Variants in EBF1 observed in about 807,000 individuals in gnomAD.
EBF1 encodes the protein transcription factor COE1.
In EBF1, 10 loss-of-function variants were observed where a neutral mutation model predicts 68.4. That is an observed-to-expected ratio of 0.15 (90% CI 0.09 to 0.25). EBF1 has a LOEUF of 0.25. Among genes scored for constraint, EBF1 ranks in the 10% least tolerant of loss-of-function variants. EBF1 has a pLI of 1.00. For synonymous variants in EBF1, 298 were observed against 299.8 expected (o/e 0.99, Z 0.06); for missense variants, 509 against 794.4 (o/e 0.64, Z 4.32).
At chr5:158,765,748 A>G (rs1406638212) in intron 10 of EBF1, among the ~76,000 whole-genome samples, 1 of 152,190 alleles carries the variant, frequency 6.6e-6, no homozygotes, top group Non-Finnish European at 1.5e-5. Flanking sequence ...AGAAAAACTC[A>G]GGCCTGATAT....
chr5:158,731,385 A>C (rs1764058970), intron 10 of EBF1, among the ~76,000 whole-genome samples: 1 of 152,326 alleles, frequency 6.6e-6, no homozygotes, highest in African/African-American at 2.4e-5. Context: ...GTAGGTCTTG[A>C]ACAGTGTTCC....
chr5:158,963,337 C>T (rs540669684), intron 6 of EBF1, among the ~76,000 whole-genome samples: 1 of 152,306 alleles, frequency 6.6e-6, no homozygotes, highest in Non-Finnish European at 1.5e-5. Context: ...TTGCTATTAA[C>T]TTTTACGGAA....
chr5:158,996,521 A>G (rs781308532), intron 6 of EBF1, among the ~76,000 whole-genome samples: 1 of 152,202 alleles, frequency 6.6e-6, no homozygotes, highest in Non-Finnish European at 1.5e-5. Context: ...TTAAAATGTG[A>G]GCTTATTCTA....
At chr5:159,027,294 T>C (rs1767890030) in intron 6 of EBF1, among the ~76,000 whole-genome samples, 1 of 152,182 alleles carries the variant, frequency 6.6e-6, no homozygotes, top group Non-Finnish European at 1.5e-5. Context: ...ATCTATCATT[T>C]ATCCAAGACC....
chr5:158,701,204 C>T (rs559190351), intron 15 of EBF1, among the ~76,000 whole-genome samples: 47 of 152,224 alleles, frequency 3.1e-4, no homozygotes, highest in Admixed American at 1.9e-3. Flanking sequence ...ATCTATTCTG[C>T]GTGCCTGGCA....
chr5:158,958,791 C>T lies in EBF1; in HGVS notation c.554+114605G>A, dbSNP rs543282403. 9.8e-5 allele frequency among the ~76,000 whole-genome samples: 15 copies of T among 152,290 alleles called. No individual in the cohort carries two copies. The South Asian group carries it at 2.9e-3, about 29-fold the overall frequency. Reference sequence around the variant, plus strand: ...CTTACACAACCAGAAACGCCGTTTTCTAACCATCCCATTCAAAACTTAACA... The same window carrying T: ...CTTACACAACCAGAAACGCCGTTTTTTAACCATCCCATTCAAAACTTAACA... On this transcript the variant is annotated intron_variant, in intron 6 of 15. Transcript: ENST00000313708.
chr5:158,957,063 G>C (rs1817284796), intron 6 of EBF1, among the ~76,000 whole-genome samples: 1 of 152,094 alleles, frequency 6.6e-6, no homozygotes, highest in African/African-American at 2.4e-5. Flanking sequence ...AATGAAAAAT[G>C]CTAGCAGCTC....
At chr5:158,866,578 C>A (rs773182184) in intron 6 of EBF1, among the ~76,000 whole-genome samples, 4 of 151,938 alleles carry the variant, frequency 2.6e-5, no homozygotes, top group Non-Finnish European at 5.9e-5. Flanking sequence ...GCCTTGTCAA[C>A]AATTCAAAGC....
chr5:158,979,906 C>T (rs1305667966), intron 6 of EBF1, among the ~76,000 whole-genome samples: 2 of 152,050 alleles, frequency 1.3e-5, no homozygotes, highest in East Asian at 3.9e-4. Flanking sequence ...ATTCTCTGGC[C>T]CCTTCCCTGC....
intron 6 of EBF1, among the ~76,000 whole-genome samples, chr5:159,009,893 C>G (rs1764288624): frequency 6.6e-6 from 1 of 152,088 alleles, no homozygotes; most frequent in Non-Finnish European, 1.5e-5. Flanking sequence ...CATTTTATCT[C>G]TGCATAATTT....
intron 7 of EBF1, among the ~76,000 whole-genome samples, chr5:158,824,842 C>A (rs1032039024): frequency 1.3e-5 from 2 of 152,246 alleles, no homozygotes; most frequent in African/African-American, 4.8e-5. Context: ...TAAGTGCATC[C>A]TGGCAAAATA....
intron 6 of EBF1, among the ~76,000 whole-genome samples, chr5:158,896,571 C>T (rs1802221738): frequency 6.6e-6 from 1 of 152,162 alleles, no homozygotes; most frequent in South Asian, 2.1e-4. Flanking sequence ...TGCTCAAGAC[C>T]ACACAGCTAA....
chr5:158,820,918 T>G (rs1288324844), intron 8 of EBF1, among the ~76,000 whole-genome samples: 2 of 152,184 alleles, frequency 1.3e-5, no homozygotes, highest in African/African-American at 4.8e-5. Flanking sequence ...CCTAAGTGGC[T>G]TTTTTCCCCC....
chr5:158,973,623 T>C (rs1756112580), intron 6 of EBF1, among the ~76,000 whole-genome samples: 1 of 152,104 alleles, frequency 6.6e-6, no homozygotes, highest in Admixed American at 6.5e-5. Context: ...GAACCCCCAA[T>C]CTCAGTAACT....
chr5:158,959,952 C>G (rs1817844540), intron 6 of EBF1, among the ~76,000 whole-genome samples: 1 of 152,022 alleles, frequency 6.6e-6, no homozygotes, highest in African/African-American at 2.4e-5. Context: ...CCTATATATC[C>G]CTAGTTAGGG....
intron 6 of EBF1, among the ~76,000 whole-genome samples, chr5:158,885,626 C>A (rs957993587): frequency 4.7e-4 from 71 of 152,296 alleles, no homozygotes; most frequent in African/African-American, 1.7e-3. Context: ...CACTCCACTA[C>A]CACTTTGTCC....
intron 2 of EBF1, 134 bp from the exon 3 acceptor site, chr5:159,096,540 G>A: frequency 3.1e-6 from 3 of 958,312 alleles, no homozygotes; most frequent in South Asian, 1.5e-5. Flanking sequence ...GGTAGCAGCA[G>A]AAATTGTGGC....
At chr5:158,883,365 CATACATACATGTATATATATACAT>C in intron 6 of EBF1, among the ~76,000 whole-genome samples, 1 of 149,042 alleles carries the variant, frequency 6.7e-6, no homozygotes, top group East Asian at 2.0e-4. Flanking sequence ...TATATATACA[CATACATACATGTATATATATACAT>C]ACATACATGT....
chr5:158,873,510 T>A (rs1797265251), intron 6 of EBF1, among the ~76,000 whole-genome samples: 1 of 152,212 alleles, frequency 6.6e-6, no homozygotes, highest in Non-Finnish European at 1.5e-5. Context: ...TTTCCTTTTA[T>A]CCCTAATAAA....
Sources: allele counts gnomAD v4.1 joint callset (sites outside exome capture counted in the v4.1 genomes callset), GRCh38; gene constraint gnomAD v4.1.1; transcripts MANE v1.5; gene names NCBI Gene and HGNC (gene_info 2026-07-23, HGNC 2026-07-21).